The following AHNAK2 variants were observed in gnomAD, a reference collection of about 807,000 sequenced individuals.
AHNAK2 encodes protein AHNAK2.
Under a neutral mutation model 30.7 loss-of-function variants are expected in AHNAK2, and 18 were observed. That is an observed-to-expected ratio of 0.59 (90% CI 0.41 to 0.87). The LOEUF (loss-of-function observed/expected upper bound fraction) is 0.87, where lower values mean the gene tolerates loss of function less well. Among genes scored for constraint, AHNAK2 ranks in the 40% least tolerant of loss-of-function variants. The pLI is 0.00. For synonymous variants in AHNAK2, 3,590 were observed against 3,073.8 expected (o/e 1.17, Z -5.56); for missense variants, 8,604 against 7,373.0 (o/e 1.17, Z -6.11).
Position 104,954,851 on chromosome 14 carries a change from C to A in AHNAK2, c.652-52G>T. The A allele has an allele frequency of 6.5e-7, 1 of 1,537,694 alleles. No individual in the cohort carries two copies. The highest frequency in any genetic ancestry group is 8.7e-7 in the Non-Finnish European group (1 of 1,145,792). On this transcript the variant is annotated intron_variant, in intron 6 of 6. Coordinates refer to ENST00000333244, the MANE Select transcript of AHNAK2 (RefSeq NM_138420.4). This position sits in a 1 kb window ranked among gnomAD's most constrained non-coding sequence, Gnocchi z 4.3. ...TGGTGCCAGTCCAAGAAGCCTGGGG[C>A]CCTGGCCCAGGGACAGATGGAGTGG...
Position 104,943,969 on chromosome 14 carries a change from C to T in AHNAK2, c.11482G>A (p.Val3828Met), listed in dbSNP as rs140887274. 17 of 1,612,832 alleles carry T rather than the reference C, an allele frequency of 1.1e-5. No individual in the cohort carries two copies. The East Asian group carries it at 1.1e-4, about 11-fold the overall frequency. The stretch of plus-strand genomic sequence containing the variant: ...TCGGCCTCCACCTTGGGTGCAGACA[C>T]GTGCACCGAGGCCTCAATGGACTTG... Reference protein sequence around the residue: ...PGKSIEASVHVSAPKVEADVS... With the variant: ...PGKSIEASVHMSAPKVEADVS... Residue 3828 changes from valine (V) to methionine (M), a missense_variant, in exon 7 of 7, where the codon GTG becomes ATG. Physicochemically the swap from Val to Met is conservative, Grantham distance 21. Coordinates refer to ENST00000333244, the MANE Select transcript of AHNAK2 (RefSeq NM_138420.4).
chr14:104,961,257 G>A (rs947651742), intron 1 of AHNAK2, among the ~76,000 whole-genome samples: 13 of 152,162 alleles, frequency 8.5e-5, no homozygotes, highest in Non-Finnish European at 1.8e-4. Flanking sequence ...GCTCACGCCT[G>A]TAATCCCAGC....
chr14:104,944,674 T>C lies in AHNAK2; in HGVS notation c.10777A>G (p.Arg3593Gly). ...AGAGACACCTCGACATCGGGGACTC[T>C]CACTTCTGCCTTGGGGCCTTTCAGG... is the stretch of plus-strand genomic sequence containing the variant. ...LDLKGPKAEV[R>G]VPDVEVSLPS... Residue 3593 changes from arginine (R) to glycine (G), a missense_variant, in exon 7 of 7, where the codon AGA becomes GGA. By Grantham distance (125) the Arg-to-Gly change is moderately radical (BLOSUM62 -2). Transcript: ENST00000333244. The C allele has an allele frequency of 6.2e-7, 1 of 1,612,854 alleles. No homozygotes were observed. The highest frequency in any genetic ancestry group is 1.1e-5 in the South Asian group (1 of 90,992).
rs370987429 is a variant in AHNAK2 at position 104,950,673 on chromosome 14, C to G, written c.4778G>C (p.Gly1593Ala). ...SFKMPKVDLK[G>A]PQIDVKGPKL... ...GGGGCCCTTAACATCTATCTGGGGCCCCTTGAGGTCCACTTTGGGCATCTT... is the reference window on the plus strand; with the variant it reads ...GGGGCCCTTAACATCTATCTGGGGCGCCTTGAGGTCCACTTTGGGCATCTT... The change falls in exon 7 of 7, where the codon GGG (glycine) becomes GCG (alanine). Residue 1593 changes from glycine (G) to alanine (A), a missense_variant. Transcript: ENST00000333244. The G allele has an allele frequency of 2.5e-6, 4 of 1,587,340 alleles. 1 individual carries two copies. The highest frequency in any genetic ancestry group is 2.6e-6 in the Non-Finnish European group (3 of 1,162,766).
Position 104,945,689 on chromosome 14 carries a change from G to T in AHNAK2, c.9762C>A (p.Asp3254Glu). ...PQIDIKGPKLDLKGPKMDVTA... is the reference protein window; with the variant it reads ...PQIDIKGPKLELKGPKMDVTA... ...TCACATCCATCTTCGGGCCTTTCAG[G>T]TCCAGCTTGGGGCCCTTGATGTCTA... The change falls in exon 7 of 7, where the codon GAC becomes GAA. Residue 3254 changes from aspartate to glutamate, a missense_variant. Physicochemically the swap from Asp to Glu is conservative, Grantham distance 45. Coordinates refer to ENST00000333244, the MANE Select transcript of AHNAK2 (RefSeq NM_138420.4). 6.3e-7 allele frequency: 1 copy of T among 1,599,448 alleles called. No individual in the cohort carries two copies. Among genetic ancestry groups the T allele is most frequent in the Non-Finnish European group, 8.5e-7 (1 of 1,171,470 alleles).
chr14:104,976,054 G>C (rs1899581968), intron 1 of AHNAK2, among the ~76,000 whole-genome samples: 1 of 152,172 alleles, frequency 6.6e-6, no homozygotes, highest in South Asian at 2.1e-4. Context: ...GCTTTCTTGG[G>C]GGGTCGTGGG....
chr14:104,955,409 T>A, intron 5 of AHNAK2, 74 bp downstream of exon 5: 1 of 1,533,094 alleles, frequency 6.5e-7, no homozygotes, highest in Non-Finnish European at 8.8e-7. Flanking sequence ...TTCTTACCCC[T>A]CAATACCCCC....
At position 104,974,975 on chromosome 14, in the gene AHNAK2, G is replaced by A. The variant is rs1899559676; in HGVS notation, c.55+3208C>T. Among the ~76,000 whole-genome samples, 3 of 152,200 alleles carry A rather than the reference G, an allele frequency of 2.0e-5. No homozygotes were observed. The South Asian group carries it at 6.2e-4, about 31-fold the overall frequency. ...TGAAACACAGAGGCCTTCCGCATAG[G>A]TGTCACAAGAGGAAGGACACAGAGC... On this transcript the variant is annotated intron_variant, in intron 1 of 6. Coordinates refer to ENST00000333244, the MANE Select transcript of AHNAK2 (RefSeq NM_138420.4).
chr14:104,949,672 C>G lies in AHNAK2; in HGVS notation c.5779G>C (p.Asp1927His). 2 of 1,587,414 alleles carry G rather than the reference C, an allele frequency of 1.3e-6. No homozygotes were observed. Among genetic ancestry groups the G allele is most frequent in the Non-Finnish European group, 1.7e-6 (2 of 1,162,862 alleles). The change falls in exon 7 of 7, where the codon GAT becomes CAT. Residue 1927 changes from aspartate to histidine, a missense_variant. Transcript: ENST00000333244. ...AGGTCCAGCTTGGCGCCCTTAACAT[C>G]TGTCTGGGGGCCCTTGAGGTCCACT... ...PKVDLKGPQT[D>H]VKGAKLDLKG...
chr14:104,944,965 G>A lies in AHNAK2; in HGVS notation c.10486C>T (p.Leu3496=). 1.2e-5 allele frequency: 19 copies of A among 1,609,734 alleles called. No individual in the cohort carries two copies. The highest frequency in any genetic ancestry group is 1.6e-5 in the Non-Finnish European group (19 of 1,178,230). ...SAPGRSIEAS[L]DVSAPKVEAD... ...TCCACCTTCGGCGCAGACACATCCA[G>A]CGAGGCCTCGATGGACCTGCCTGGG... The change falls in exon 7 of 7, where the codon CTG becomes TTG. Residue 3496 remains leucine, a synonymous_variant. Coordinates refer to ENST00000333244, the MANE Select transcript of AHNAK2 (RefSeq NM_138420.4).
chr14:104,960,759 T>C (rs916633795), intron 1 of AHNAK2, among the ~76,000 whole-genome samples: 2 of 152,246 alleles, frequency 1.3e-5, no homozygotes, highest in Non-Finnish European at 2.9e-5. Flanking sequence ...GATTGAATTG[T>C]ACATTTACAA....
Position 104,949,684 on chromosome 14 carries a change from C to G in AHNAK2, c.5767G>C (p.Gly1923Arg). ...SFKMPKVDLK[G>R]PQTDVKGAKL... Reference sequence around the variant, plus strand: ...GCGCCCTTAACATCTGTCTGGGGGCCCTTGAGGTCCACTTTGGGCATCTTG... The same window carrying G: ...GCGCCCTTAACATCTGTCTGGGGGCGCTTGAGGTCCACTTTGGGCATCTTG... Residue 1923 changes from glycine to arginine, a missense_variant, in exon 7 of 7, where the codon GGC becomes CGC. Coordinates refer to ENST00000333244, the MANE Select transcript of AHNAK2 (RefSeq NM_138420.4). 1 of 1,587,284 alleles carries G rather than the reference C, an allele frequency of 6.3e-7. No homozygotes were observed.
At chr14:104,967,116 C>G (rs372251688) in intron 1 of AHNAK2, among the ~76,000 whole-genome samples, 586 of 152,298 alleles carry the variant, frequency 3.8e-3, no homozygotes, top group African/African-American at 0.013. Flanking sequence ...GCCTCGGAGA[C>G]CGGGTGTCCC....
In AHNAK2 at chr14:104,956,683, C is replaced by A; in HGVS notation, c.220G>T (p.Ala74Ser). The A allele has an allele frequency of 6.2e-7, 1 of 1,613,580 alleles. No homozygotes were observed. The change falls in exon 4 of 7, where the codon GCC becomes TCC. Residue 74 changes from alanine to serine, a missense_variant. Ala to Ser is a moderately conservative substitution (Grantham distance 99). Coordinates refer to ENST00000333244, the MANE Select transcript of AHNAK2 (RefSeq NM_138420.4). Reference protein sequence around the residue: ...EAADFGLQEDAPGRQGSAGRR... With the variant: ...EAADFGLQEDSPGRQGSAGRR... Reference sequence around the variant, plus strand: ...CCAGCAGAACCTTGCCTGCCGGGGGCGTCTTCCTGCAGCCACAAGTGTTGG... The same window carrying A: ...CCAGCAGAACCTTGCCTGCCGGGGGAGTCTTCCTGCAGCCACAAGTGTTGG...
chr14:104,953,649 CCTGT>C lies in AHNAK2; in HGVS notation c.1798_1801del (p.Thr600AlafsTer33). 1 of 1,613,820 alleles carries C rather than the reference CCTGT, an allele frequency of 6.2e-7. No individual in the cohort carries two copies. Among genetic ancestry groups the C allele is most frequent in the African/African-American group, 1.3e-5 (1 of 74,974 alleles). ...TGTGTCTTCTGTGGCTTTTTCTCTG[CCTGT>C]CTTTGTGTGCTTGCTTGGCGACCAT... On this transcript the variant is annotated frameshift_variant, in exon 7 of 7. Coordinates refer to ENST00000333244, the MANE Select transcript of AHNAK2 (RefSeq NM_138420.4). LOFTEE classifies it low-confidence loss of function (END_TRUNC).
chr14:104,978,179 GC>G lies in AHNAK2; in HGVS notation c.55+3del, dbSNP rs1439752716. 1 of 1,212,346 alleles carries G rather than the reference GC, an allele frequency of 8.2e-7. No homozygotes were observed. Among genetic ancestry groups the G allele is most frequent in the African/African-American group, 1.6e-5 (1 of 63,550 alleles). 75.1% of individuals were successfully genotyped at this position (1,212,346 alleles called of 1,614,324 possible). On this transcript the variant is annotated splice_donor_region_variant and intron_variant, in intron 1 of 6. Coordinates refer to ENST00000333244, the MANE Select transcript of AHNAK2 (RefSeq NM_138420.4). ...GAGCGGGCTGCAGGCGGGGAGGGGC[GC>G]ACCGCTGCCGGGGGTTCCGGGCCAG...
In AHNAK2 at chr14:104,939,727, C is replaced by T. The variant is rs375046543; in HGVS notation, c.15724G>A (p.Val5242Met). The change falls in exon 7 of 7, where the codon GTG becomes ATG. Residue 5242 changes from valine to methionine, a missense_variant. Transcript: ENST00000333244. The stretch of plus-strand genomic sequence containing the variant: ...AGCTGTAGGGACATAGCTGCCTCCA[C>T]GTTTGACCCAGAAACAAGGAACTCT... ...VKEFLVSGSN[V>M]EAAMSLQLPE... 26 of 1,613,756 alleles carry T rather than the reference C, an allele frequency of 1.6e-5. No individual in the cohort carries two copies. In the East Asian group the frequency reaches 2.2e-4, roughly 14 times the overall value.
At position 104,938,231 on chromosome 14, in the gene AHNAK2, G is replaced by A; in HGVS notation, c.17220C>T (p.Phe5740=). 3 of 1,613,894 alleles carry A rather than the reference G, an allele frequency of 1.9e-6. No individual in the cohort carries two copies. The highest frequency in any genetic ancestry group is 2.5e-6 in the Non-Finnish European group (3 of 1,179,872). The change falls in exon 7 of 7, where the codon TTC becomes TTT. Residue 5740 remains phenylalanine, a synonymous_variant. Transcript: ENST00000333244. ...CACCCTCTTCCTTCTCTTCAGGGGA[G>A]AAACTTTCTCGGGCATCAAAAAACG... ...TITFFDARES[F]SPEEKEEGEL...
chr14:104,947,987 G>C lies in AHNAK2; in HGVS notation c.7464C>G (p.Phe2488Leu). ...TKDSRFKIPK[F>L]KMPSFGVSAP... ...CAGACACCCCGAATGACGGCATCTT[G>C]AACTTGGGAATTTTGAACCTGCTGT... Residue 2488 changes from phenylalanine (F) to leucine (L), a missense_variant, in exon 7 of 7, where the codon TTC becomes TTG. Phe to Leu is a conservative substitution (Grantham distance 22). Transcript: ENST00000333244. 6.2e-7 allele frequency: 1 copy of C among 1,612,702 alleles called. No homozygotes were observed. Among genetic ancestry groups the C allele is most frequent in the Non-Finnish European group, 8.5e-7 (1 of 1,179,626 alleles).
Sources: allele counts gnomAD v4.1 joint callset (sites outside exome capture counted in the v4.1 genomes callset), GRCh38; gene constraint gnomAD v4.1.1; non-coding constraint Gnocchi (gnomAD v3.1); transcripts MANE v1.5; gene names NCBI Gene and HGNC (gene_info 2026-07-23, HGNC 2026-07-21).